The following ZNF608 variants were observed in gnomAD, a reference collection of about 807,000 sequenced individuals.
ZNF608 encodes zinc finger protein 608.
ZNF608 carries 12 observed loss-of-function variants against 109.0 expected under a neutral mutation model. The ratio of observed to expected loss-of-function variants is 0.11; its 90% confidence interval spans 0.07 to 0.18. The LOEUF (loss-of-function observed/expected upper bound fraction) is 0.18, where lower values mean the gene tolerates loss of function less well. ZNF608 is among the 10% of genes least tolerant of loss of function. The pLI is 1.00. For missense variants in ZNF608, 1,707 were observed against 1,879.3 expected, an observed-to-expected ratio of 0.91 and a Z score of 1.70; for synonymous variants, 732 against 717.4, an observed-to-expected ratio of 1.02 and a Z score of -0.33.
At chr5:124,689,519 C>A (rs1752532488) in intron 3 of ZNF608, among the ~76,000 whole-genome samples, 1 of 148,768 alleles carries the variant, frequency 6.7e-6, no homozygotes, top group African/African-American at 2.5e-5. Flanking sequence ...AACTAGTTTC[C>A]AAAATATTCA....
rs761069040 is a variant in ZNF608 at position 124,648,088 on chromosome 5, G to A, written c.2296C>T (p.Pro766Ser). ...TFTTTTTGTI[P>S]GLPSLTTTVV... ...GTTGTTGTGAGGGAGGGCAGTCCGG[G>A]TATTGTCCCAGTGGTGGTCGTTGTA... The change falls in exon 5 of 10, where the codon CCC becomes TCC. Residue 766 changes from proline (P) to serine (S), a missense_variant. By Grantham distance (74) the Pro-to-Ser change is moderately conservative. Around this residue, in one of 7 missense-constraint regions of ZNF608, gnomAD observed 1,073 missense variants for 1,133.5 expected, o/e 0.95. Coordinates refer to ENST00000513986, the MANE Select transcript of ZNF608 (RefSeq NM_020747.3). The A allele has an allele frequency of 2.0e-6, 3 of 1,523,936 alleles. No individual in the cohort carries two copies. Among genetic ancestry groups the A allele is most frequent in the Non-Finnish European group, 2.7e-6 (3 of 1,126,436 alleles). 94.4% of individuals were successfully genotyped at this position (1,523,936 alleles called of 1,614,324 possible).
At chr5:124,715,416 G>C (rs1753651508) in intron 2 of ZNF608, among the ~76,000 whole-genome samples, 1 of 152,198 alleles carries the variant, frequency 6.6e-6, no homozygotes, top group African/African-American at 2.4e-5. Flanking sequence ...ACGGGTGACA[G>C]AGCTTGCCAT....
At chr5:124,659,126 C>T (rs1286831887) in intron 3 of ZNF608, among the ~76,000 whole-genome samples, 2 of 148,998 alleles carry the variant, frequency 1.3e-5, no homozygotes, top group Non-Finnish European at 3.0e-5. Flanking sequence ...GGTCCCAGTC[C>T]TTTCCTGCAC....
chr5:124,648,629 C>G lies in ZNF608; in HGVS notation c.1755G>C (p.Leu585=). ...TGTCCTCACTGTCAGGCTCGAACTC[C>G]AGCTTGTTTTCTGGGTCTAAGTGTG... is the stretch of plus-strand genomic sequence containing the variant. The part of the protein sequence containing the change: ...AHAHLDPENK[L]EFEPDSEDKI... The change falls in exon 5 of 10, where the codon CTG becomes CTC. Residue 585 remains leucine, a synonymous_variant. Transcript: ENST00000513986. 1.2e-6 allele frequency: 2 copies of G among 1,614,220 alleles called. No homozygotes were observed. Among genetic ancestry groups the G allele is most frequent in the Non-Finnish European group, 1.7e-6 (2 of 1,180,050 alleles).
intron 2 of ZNF608, among the ~76,000 whole-genome samples, chr5:124,728,996 T>C (rs1472247810): frequency 6.6e-6 from 1 of 152,160 alleles, no homozygotes; most frequent in Non-Finnish European, 1.5e-5. Context: ...GGGCCCAAGA[T>C]TTAGGTCAGC....
At chr5:124,731,466 C>T (rs1429829325) in intron 2 of ZNF608, among the ~76,000 whole-genome samples, 1 of 152,104 alleles carries the variant, frequency 6.6e-6, no homozygotes, top group Non-Finnish European at 1.5e-5. Flanking sequence ...CCACCTCAGC[C>T]TTCCAAAGTG....
In ZNF608 at chr5:124,668,349, G is replaced by C. The variant is rs888488259; in HGVS notation, c.1163-18652C>G. 2.2e-4 allele frequency among the ~76,000 whole-genome samples: 33 copies of C among 150,458 alleles called. 1 individual carries two copies. Among genetic ancestry groups the C allele is most frequent in the African/African-American group, 8.1e-4 (33 of 40,890 alleles). ...CTTGAGGTGACTGAGGTTGCAGTGA[G>C]GTATGATAATGAGACCCTGTCTCAA... On this transcript the variant is annotated intron_variant, in intron 3 of 9. Transcript: ENST00000513986.
At chr5:124,687,621 C>T (rs982596996) in intron 3 of ZNF608, among the ~76,000 whole-genome samples, 1 of 152,140 alleles carries the variant, frequency 6.6e-6, no homozygotes, top group Non-Finnish European at 1.5e-5. Flanking sequence ...TGTCAGACTT[C>T]GCTAGATACC....
intron 2 of ZNF608, among the ~76,000 whole-genome samples, chr5:124,722,424 G>A (rs764806403): frequency 6.6e-6 from 1 of 152,042 alleles, no homozygotes; most frequent in Non-Finnish European, 1.5e-5. Flanking sequence ...GTATTTACCG[G>A]CTGTAAATAT....
chr5:124,741,394 G>GAA (rs34192958), intron 2 of ZNF608, among the ~76,000 whole-genome samples: 24,370 of 68,326 alleles, frequency 0.36, 5,031 homozygotes, highest in Non-Finnish European at 0.42. Flanking sequence ...CTTCCAACCA[G>GAA]AAAAAAAAAA....
intron 2 of ZNF608, among the ~76,000 whole-genome samples, chr5:124,726,834 AT>A (rs536658605): frequency 1.0e-3 from 154 of 152,304 alleles, no homozygotes; most frequent in Middle Eastern, 3.4e-3. Flanking sequence ...CCCAACACAT[AT>A]GTGTTACCTG....
Position 124,644,284 on chromosome 5 carries a change from T to C in ZNF608, c.4083A>G (p.Ala1361=), listed in dbSNP as rs372228617. The C allele has an allele frequency of 3.0e-5, 49 of 1,613,292 alleles. No individual in the cohort carries two copies. The African/African-American group carries it at 6.0e-4, about 20-fold the overall frequency. ...YPQMYDPSHP[A]YRAVSPVLMH... The stretch of plus-strand genomic sequence containing the variant: ...TTAGGACGGGAGAAACAGCCCGGTA[T>C]GCAGGATGGCTGGGGTCGTACATCT... The change falls in exon 6 of 10, where the codon GCA becomes GCG. Residue 1361 remains alanine, a synonymous_variant. Transcript: ENST00000513986.
In ZNF608 at chr5:124,716,821, G is replaced by A. The variant is rs537233631; in HGVS notation, c.907-15552C>T. 5.8e-4 allele frequency among the ~76,000 whole-genome samples: 89 copies of A among 152,142 alleles called. 1 individual carries two copies. The highest frequency in any genetic ancestry group is 1.1e-3 in the Non-Finnish European group (75 of 67,986). On this transcript the variant is annotated intron_variant, in intron 2 of 9. Transcript: ENST00000513986. ...ATTTTGGCCGGGCATGGTGGCTCAC[G>A]CCTGTAATTCCAGCAGTTTGGGAGG... is the stretch of plus-strand genomic sequence containing the variant.
At position 124,649,612 on chromosome 5, in the gene ZNF608, G is replaced by A. The variant is rs1267457898; in HGVS notation, c.1248C>T (p.Pro416=). Residue 416 remains proline, a splice_region_variant and synonymous_variant, in exon 4 of 10, where the codon CCC becomes CCT. Coordinates refer to ENST00000513986, the MANE Select transcript of ZNF608 (RefSeq NM_020747.3). The part of the protein sequence containing the change: ...LDCTKHDWAP[P]RFCESPTSDL... ...GAAATAAAAGGCCCTGTTCATACCT[G>A]GGAGGGGCCCAGTCGTGCTTGGTGC... is the stretch of plus-strand genomic sequence containing the variant. The A allele has an allele frequency of 1.2e-6, 2 of 1,611,074 alleles. No homozygotes were observed. The highest frequency in any genetic ancestry group is 1.7e-6 in the Non-Finnish European group (2 of 1,178,700).
chr5:124,735,440 G>A (rs1434851492), intron 2 of ZNF608, among the ~76,000 whole-genome samples: 2 of 152,182 alleles, frequency 1.3e-5, no homozygotes, highest in Admixed American at 6.5e-5. Context: ...ACGCCCCCAG[G>A]AGCCCAGGGC....
At chr5:124,644,733 T>C (rs1207518448) in intron 5 of ZNF608, 72 bp from the exon 6 acceptor site, 1 of 1,341,358 alleles carries the variant, frequency 7.5e-7, no homozygotes, top group African/African-American at 1.5e-5. Context: ...AGAAAACTTG[T>C]TAATAATCAT....
At chr5:124,639,263 G>A in intron 8 of ZNF608, 49 bp from the exon 9 acceptor site, 7 of 1,554,816 alleles carry the variant, frequency 4.5e-6, no homozygotes, top group South Asian at 3.3e-5. Context: ...AAGGATAAGA[G>A]TAGATACAGG....
chr5:124,644,165 A>T, intron 6 of ZNF608, 79 bp downstream of exon 6: 1 of 1,310,458 alleles, frequency 7.6e-7, no homozygotes, highest in Non-Finnish European at 1.0e-6. Context: ...TGAAGCTTCT[A>T]ATTTATCTTG....
rs927567494 is a variant in ZNF608 at position 124,683,204 on chromosome 5, G to T, written c.1162+17810C>A. 9.8e-5 allele frequency among the ~76,000 whole-genome samples: 15 copies of T among 152,326 alleles called. No homozygotes were observed. The East Asian group carries it at 2.9e-3, about 29-fold the overall frequency. ...GGCTCCTTCATCTCCACTGGATGGG[G>T]TCTTCAGCTGACAGTAGCACCTGCC... On this transcript the variant is annotated intron_variant, in intron 3 of 9. Coordinates refer to ENST00000513986, the MANE Select transcript of ZNF608 (RefSeq NM_020747.3).
Sources: allele counts gnomAD v4.1 joint callset (sites outside exome capture counted in the v4.1 genomes callset), GRCh38; gene constraint gnomAD v4.1.1; regional missense constraint gnomAD v4.1.1; transcripts MANE v1.5; gene names NCBI Gene and HGNC (gene_info 2026-07-23, HGNC 2026-07-21).